The following ZCCHC2 variants were observed in gnomAD, a reference collection of about 807,000 sequenced individuals.
The protein encoded by ZCCHC2 is zinc finger CCHC domain-containing protein 2.
ZCCHC2 carries 39 observed loss-of-function variants against 103.6 expected under a neutral mutation model. The ratio of observed to expected loss-of-function variants is 0.38; its 90% confidence interval spans 0.29 to 0.49. The LOEUF (loss-of-function observed/expected upper bound fraction) is 0.49. Ranked by LOEUF, ZCCHC2 falls within the 20% of genes least tolerant of loss-of-function variation. ZCCHC2 has a pLI of 0.96. For missense variants in ZCCHC2, 1,483 were observed against 1,491.0 expected (o/e 0.99, Z 0.09); for synonymous variants, 687 against 608.9 (o/e 1.13, Z -1.89).
At chr18:62,584,307 C>T (rs1917117768) in intron 14 of ZCCHC2, 1 of 152,226 alleles carries the variant, frequency 6.6e-6, no homozygotes, top group African/African-American at 2.4e-5. Flanking sequence ...GTCACCTCCG[C>T]CTGCAGAGAA....
intron 1 of ZCCHC2, among the ~76,000 whole-genome samples, chr18:62,530,096 G>A (rs1914616953): frequency 6.6e-6 from 1 of 152,190 alleles, no homozygotes; most frequent in Non-Finnish European, 1.5e-5. Context: ...GGAGTTTCTA[G>A]TACCAATTCC....
chr18:62,531,949 A>C (rs543298722), intron 1 of ZCCHC2, among the ~76,000 whole-genome samples: 30 of 152,306 alleles, frequency 2.0e-4, no homozygotes, highest in Admixed American at 1.8e-3. Context: ...GTACCACTGC[A>C]CTCCAGCCTG....
chr18:62,556,124 C>A, intron 5 of ZCCHC2, 79 bp from the exon 6 acceptor site: 1 of 1,141,598 alleles, frequency 8.8e-7, no homozygotes, highest in Non-Finnish European at 1.2e-6. Context: ...CCACTTCATT[C>A]TGCTTTATAA....
intron 1 of ZCCHC2, among the ~76,000 whole-genome samples, chr18:62,532,666 G>A (rs1914739168): frequency 6.6e-6 from 1 of 152,132 alleles, no homozygotes; most frequent in Non-Finnish European, 1.5e-5. Context: ...ATTATTTGCT[G>A]CCACTGAATT....
In ZCCHC2 at chr18:62,558,633, TTTTC is replaced by T. The variant is rs1915990044; in HGVS notation, c.1409-50_1409-47del. On this transcript the variant is annotated intron_variant, in intron 6 of 13. Transcript: ENST00000269499. ...GGTAAAAAAACAATTATTATATTTG[TTTTC>T]TTTATTTTAATTTTCCTAAAAAGTT... 5 of 1,081,266 alleles carry T rather than the reference TTTTC, an allele frequency of 4.6e-6. No individual in the cohort carries two copies. The South Asian group carries it at 7.0e-5, about 15-fold the overall frequency. The allele number at this position is 1,081,266 out of a possible 1,614,324, so 67.0% of individuals were successfully genotyped here. A position where few individuals can be genotyped will look rare whatever the true frequency, so the allele number is the denominator to read the frequency against.
intron 12 of ZCCHC2, among the ~76,000 whole-genome samples, chr18:62,573,045 ATCTT>A (rs1179177541): frequency 3.9e-5 from 6 of 152,176 alleles, no homozygotes; most frequent in Non-Finnish European, 2.9e-5. Flanking sequence ...CTTTCATTTA[ATCTT>A]TCTTCAGGAA....
At chr18:62,573,201 T>C (rs185597717) in intron 12 of ZCCHC2, among the ~76,000 whole-genome samples, 9 of 152,302 alleles carry the variant, frequency 5.9e-5, no homozygotes, top group Admixed American at 3.9e-4. Flanking sequence ...GATTTTTAAA[T>C]AGGCACTACA....
chr18:62,525,551 T>C (rs1406594718), intron 1 of ZCCHC2: 5 of 152,192 alleles, frequency 3.3e-5, no homozygotes, highest in Admixed American at 6.5e-5. Context: ...GAACTAAAAT[T>C]GGGCATGGTA....
chr18:62,535,924 A>T (rs1436989805), intron 1 of ZCCHC2, among the ~76,000 whole-genome samples: 1 of 152,224 alleles, frequency 6.6e-6, no homozygotes, highest in African/African-American at 2.4e-5. Flanking sequence ...TTTAAAAAAT[A>T]AAAAACTCTT....
chr18:62,560,900 A>G (rs1360201651), intron 8 of ZCCHC2, among the ~76,000 whole-genome samples: 1 of 151,288 alleles, frequency 6.6e-6, no homozygotes, highest in Non-Finnish European at 1.5e-5. Context: ...AAGTTCTTCT[A>G]GTGGCTACCC....
downstream of ZCCHC2, among the ~76,000 whole-genome samples, chr18:62,582,713 T>G (rs1253709829): frequency 2.0e-5 from 3 of 152,060 alleles, no homozygotes; most frequent in African/African-American, 7.2e-5. Context: ...TTAAATAATC[T>G]ATGGGAAAGG....
rs920519910 is a variant in ZCCHC2, at chr18:62,578,060, G to C, written c.*1481G>C. Reference sequence around the variant, plus strand: ...AGAAGCCTAACAGATTGCTAGACAAGAGAAAAAACTTGAAGAAAAAAGAAG... The same window carrying C: ...AGAAGCCTAACAGATTGCTAGACAACAGAAAAAACTTGAAGAAAAAAGAAG... On this transcript the variant is annotated 3_prime_UTR_variant, in exon 14 of 14. Transcript: ENST00000269499. 2 of 152,108 alleles carry C rather than the reference G, an allele frequency of 1.3e-5. No individual in the cohort carries two copies. Among genetic ancestry groups the C allele is most frequent in the Admixed American group, 1.3e-4 (2 of 15,232 alleles). 9.4% of individuals were successfully genotyped at this position (152,108 alleles called of 1,614,324 possible). A position where few individuals can be genotyped will look rare whatever the true frequency, so the allele number is the denominator to read the frequency against.
chr18:62,578,368 CT>C lies in ZCCHC2; in HGVS notation c.*1791del, dbSNP rs1465305500. The C allele has an allele frequency of 1.3e-5, 2 of 152,592 alleles. No individual in the cohort carries two copies. The highest frequency in any genetic ancestry group is 1.3e-4 in the Admixed American group (2 of 15,280). 9.5% of individuals were successfully genotyped at this position (152,592 alleles called of 1,614,324 possible). ...CACTTATGGGCCGCGTTGTGAATCA[CT>C]TGCCAGTTGTACTTTATGGAGCTTA... On this transcript the variant is annotated 3_prime_UTR_variant, in exon 14 of 14. Coordinates refer to ENST00000269499, the MANE Select transcript of ZCCHC2 (RefSeq NM_017742.6).
chr18:62,580,262 A>G (rs565375575), downstream of ZCCHC2, among the ~76,000 whole-genome samples: 12 of 152,198 alleles, frequency 7.9e-5, no homozygotes, highest in Admixed American at 4.6e-4. Context: ...CATTCTGTCA[A>G]TGGACATCTG....
intron 8 of ZCCHC2, among the ~76,000 whole-genome samples, chr18:62,561,477 C>T (rs1021903073): frequency 2.0e-5 from 3 of 152,232 alleles, no homozygotes; most frequent in African/African-American, 7.2e-5. Context: ...TTTCCATGTT[C>T]CGCCTTAGGG....
intron 4 of ZCCHC2, among the ~76,000 whole-genome samples, chr18:62,545,486 A>G (rs949898548): frequency 1.3e-5 from 2 of 152,198 alleles, no homozygotes; most frequent in Admixed American, 1.3e-4. Flanking sequence ...GGGAATAAGA[A>G]GATAATAGAA....
At chr18:62,565,436 C>T (rs1214753982) in intron 11 of ZCCHC2, among the ~76,000 whole-genome samples, 3 of 152,120 alleles carry the variant, frequency 2.0e-5, no homozygotes, top group African/African-American at 7.2e-5. Context: ...GTGGCTTTGC[C>T]GGCCGCTCAT....
At chr18:62,580,559 AGT>A, downstream of ZCCHC2, among the ~76,000 whole-genome samples, 4 of 133,080 alleles carry the variant, frequency 3.0e-5, no homozygotes, top group African/African-American at 1.2e-4. Context: ...ACGGTGTCAC[AGT>A]GCTGTGGAAG....
chr18:62,542,651 T>C, intron 3 of ZCCHC2, 77 bp downstream of exon 3: 1 of 1,233,492 alleles, frequency 8.1e-7, no homozygotes, highest in Non-Finnish European at 1.2e-6. Context: ...GCAGGTTTGC[T>C]AATTTAAGGG....
Sources: gnomAD v4.1 joint callset for allele counts (sites outside exome capture counted in the v4.1 genomes callset) on GRCh38, gnomAD v4.1.1 for gene constraint, MANE v1.5 for transcripts, NCBI Gene and HGNC (gene_info 2026-07-23, HGNC 2026-07-21) for gene names.